UTS2: variants seen among roughly 807,000 people sequenced by gnomAD.
UTS2 encodes urotensin-2.
UTS2 carries 10 observed loss-of-function variants against 12.6 expected under a neutral mutation model. The observed-to-expected ratio is 0.80, with a 90% CI of 0.49 to 1.35. The LOEUF (loss-of-function observed/expected upper bound fraction) is 1.35, where lower values mean the gene tolerates loss of function less well. Among genes scored for constraint, UTS2 ranks in the 40% most tolerant of loss-of-function variants. UTS2 has a pLI of 0.00. For missense variants in UTS2, 142 were observed against 143.2 expected (o/e 0.99, Z 0.04); for synonymous variants, 52 against 50.0 (o/e 1.04, Z -0.17).
chr1:7,857,107 T>TGAGGGAAGGAAGGAAGGAAG (rs1638328450), upstream of UTS2, among the ~76,000 whole-genome samples: 1 of 125,284 alleles, frequency 8.0e-6, no homozygotes, highest in African/African-American at 3.1e-5. Flanking sequence ...AGAAAAGGAA[T>TGAGGGAAGGAAGGAAGGAAG]GAAGGAAGGA....
the UTS2 span, among the ~76,000 whole-genome samples, chr1:7,888,980 A>C: frequency 1.3e-5 from 2 of 151,882 alleles, no homozygotes; most frequent in African/African-American, 2.4e-5. Flanking sequence ...GGATAATAAG[A>C]GTATGCGCAT....
the UTS2 span, among the ~76,000 whole-genome samples, chr1:7,897,530 G>A: frequency 1.3e-5 from 2 of 152,296 alleles, no homozygotes; most frequent in Non-Finnish European, 2.9e-5. Context: ...TTCTATCCAT[G>A]AACATATTAT....
chr1:7,889,085 G>GA, the UTS2 span, among the ~76,000 whole-genome samples: 937 of 135,510 alleles, frequency 6.9e-3, 15 homozygotes, highest in East Asian at 0.03. Context: ...ACTTTTTGAT[G>GA]AAAAAAAAAA....
the UTS2 span, among the ~76,000 whole-genome samples, chr1:7,866,078 G>C: frequency 0.011 from 1,656 of 152,364 alleles, 14 homozygotes; most frequent in Non-Finnish European, 0.017. The surrounding 1 kb of genome is among the most constrained non-coding windows in gnomAD (Gnocchi z 4.5). Flanking sequence ...CCGTGGAAAG[G>C]GCTCTGGGCC....
chr1:7,872,320 G>GAAAAAAAAAAAAAA, the UTS2 span, among the ~76,000 whole-genome samples: 1 of 79,230 alleles, frequency 1.3e-5, no homozygotes, highest in African/African-American at 5.1e-5. Context: ...AAAAAAAAAA[G>GAAAAAAAAAAAAAA]GAAAAGAAAA....
upstream of UTS2, among the ~76,000 whole-genome samples, chr1:7,857,010 G>A (rs573623733): frequency 5.9e-5 from 9 of 151,910 alleles, no homozygotes; most frequent in East Asian, 1.9e-4. Context: ...GCAGTGAGCC[G>A]AGATCGTGCC....
rs763432833 is a variant in UTS2 at position 7,847,687 on chromosome 1, T to A, written c.*79A>T. The A allele has an allele frequency of 1.1e-5, 13 of 1,176,978 alleles. No individual in the cohort carries two copies. The highest frequency in any genetic ancestry group is 1.6e-5 in the Non-Finnish European group (13 of 806,118). 72.9% of individuals were successfully genotyped at this position (1,176,978 alleles called of 1,614,324 possible). ...GTTTGCCTAGTTTTTCTCCACACTGTTTTCAAATCAAGCATTGTGTTATTT... is the reference window on the plus strand; with the variant it reads ...GTTTGCCTAGTTTTTCTCCACACTGATTTCAAATCAAGCATTGTGTTATTT... On this transcript the variant is annotated 3_prime_UTR_variant, in exon 4 of 4. Coordinates refer to ENST00000361696, the MANE Select transcript of UTS2 (RefSeq NM_006786.4).
the UTS2 span, among the ~76,000 whole-genome samples, chr1:7,866,631 C>T: frequency 6.6e-6 from 1 of 152,156 alleles, no homozygotes; most frequent in Non-Finnish European, 1.5e-5. This position sits in a 1 kb window ranked among gnomAD's most constrained non-coding sequence, Gnocchi z 4.5. Context: ...AGCTTTCCCC[C>T]TCCTCCCTCC....
chr1:7,847,706 G>GTTA lies in UTS2; in HGVS notation c.*57_*59dup, dbSNP rs2097409137. On this transcript the variant is annotated 3_prime_UTR_variant, in exon 4 of 4. Coordinates refer to ENST00000361696, the MANE Select transcript of UTS2 (RefSeq NM_006786.4). ...ACACTGTTTTCAAATCAAGCATTGT[G>GTTA]TTATTTTTCATATTCTAAGATGGGT... 2 of 1,324,828 alleles carry GTTA rather than the reference G, an allele frequency of 1.5e-6. No homozygotes were observed. Among genetic ancestry groups the GTTA allele is most frequent in the East Asian group, 4.6e-5 (2 of 43,298 alleles). 82.1% of individuals were successfully genotyped at this position (1,324,828 alleles called of 1,614,324 possible). A position where few individuals can be genotyped will look rare whatever the true frequency, so the allele number is the denominator to read the frequency against.
the UTS2 span, among the ~76,000 whole-genome samples, chr1:7,908,202 G>T: frequency 6.6e-6 from 1 of 151,650 alleles, no homozygotes; most frequent in Admixed American, 6.6e-5. Flanking sequence ...CGGAGCCTGG[G>T]GCAGTAGAAT....
the UTS2 span, among the ~76,000 whole-genome samples, chr1:7,877,342 C>A: frequency 6.6e-6 from 1 of 151,860 alleles, no homozygotes; most frequent in Non-Finnish European, 1.5e-5. Flanking sequence ...GAACACAATG[C>A]AAAGAAATCA....
chr1:7,912,195 G>C, the UTS2 span, among the ~76,000 whole-genome samples: 1 of 37,358 alleles, frequency 2.7e-5, no homozygotes, highest in African/African-American at 7.8e-5. Context: ...ATTTAAAATA[G>C]AGCCAAATGG....
the UTS2 span, among the ~76,000 whole-genome samples, chr1:7,862,856 C>T: frequency 1.3e-5 from 2 of 152,152 alleles, no homozygotes; most frequent in African/African-American, 2.4e-5. Context: ...ACTGGCTGTT[C>T]CCTCTGCTTG....
the UTS2 span, among the ~76,000 whole-genome samples, chr1:7,900,345 G>C: frequency 2.0e-5 from 3 of 152,126 alleles, no homozygotes; most frequent in Middle Eastern, 3.4e-3. Context: ...GCTGCAGTGA[G>C]CCTTGATTGT....
At chr1:7,864,018 GA>G in the UTS2 span, among the ~76,000 whole-genome samples, 2 of 152,246 alleles carry the variant, frequency 1.3e-5, no homozygotes, top group Non-Finnish European at 2.9e-5. Flanking sequence ...AGGAGGGCAA[GA>G]GTGGAAGCGT....
the UTS2 span, among the ~76,000 whole-genome samples, chr1:7,910,520 A>T: frequency 2.0e-5 from 3 of 152,046 alleles, no homozygotes; most frequent in Admixed American, 2.0e-4. Flanking sequence ...GGCTGTCCAT[A>T]CTCTGTTGAA....
At chr1:7,858,579 T>A in the UTS2 span, among the ~76,000 whole-genome samples, 2 of 152,154 alleles carry the variant, frequency 1.3e-5, no homozygotes, top group African/African-American at 4.8e-5. Flanking sequence ...TAACTTCTAT[T>A]AATTATTTTT....
At chr1:7,867,122 G>A in the UTS2 span, among the ~76,000 whole-genome samples, 4 of 152,016 alleles carry the variant, frequency 2.6e-5, no homozygotes, top group South Asian at 2.1e-4. Context: ...CGCCCGCCTC[G>A]GCCTCCCAGA....
At position 7,847,787 on chromosome 1, in the gene UTS2, G is replaced by A; in HGVS notation, c.354C>T (p.Cys118=). ...KPYKKRETPD[C]FWKYCV ...CACTTCAGACACAGTATTTCCAGAAGCAATCAGGAGTCTCACGTTTCTTGT... is the reference window on the plus strand; with the variant it reads ...CACTTCAGACACAGTATTTCCAGAAACAATCAGGAGTCTCACGTTTCTTGT... Residue 118 remains cysteine (C), a synonymous_variant, in exon 4 of 4, where the codon TGC becomes TGT. Transcript: ENST00000361696. 1.2e-6 allele frequency: 2 copies of A among 1,613,166 alleles called. No homozygotes were observed. The highest frequency in any genetic ancestry group is 1.7e-6 in the Non-Finnish European group (2 of 1,179,394).
Sources: allele counts gnomAD v4.1 joint callset (sites outside exome capture counted in the v4.1 genomes callset), GRCh38; gene constraint gnomAD v4.1.1; non-coding constraint Gnocchi (gnomAD v3.1); transcripts MANE v1.5; gene names NCBI Gene and HGNC (gene_info 2026-07-23, HGNC 2026-07-21).